AFDN: variants seen among roughly 807,000 people sequenced by gnomAD.
AFDN encodes the protein afadin.
In AFDN, 68 loss-of-function variants were observed where a neutral mutation model predicts 216.6. That is an observed-to-expected ratio of 0.31 (90% CI 0.26 to 0.38). AFDN has a LOEUF of 0.38. Ranked by LOEUF, AFDN falls within the 10% of genes least tolerant of loss-of-function variation. The pLI is 1.00. For synonymous variants in AFDN, 868 were observed against 853.7 expected (o/e 1.02, Z -0.29); for missense variants, 2,136 against 2,342.0 (o/e 0.91, Z 1.82).
chr6:167,951,241 G>T lies in AFDN; in HGVS notation c.3887G>T (p.Arg1296Leu). Reference sequence around the variant, plus strand: ...GAAGATAAAGCTTACCAACTTGAGCGGCATCGAATAGAGGCAGCTATGGAC... The same window carrying T: ...GAAGATAAAGCTTACCAACTTGAGCTGCATCGAATAGAGGCAGCTATGGAC... ...LREDKAYQLE[R>L]HRIEAAMDRK... is the part of the protein sequence containing the mutation. The change falls in exon 30 of 34, where the codon CGG becomes CTG. Residue 1296 changes from arginine to leucine, a missense_variant. Arg to Leu is a moderately radical substitution (Grantham distance 102). Transcript: ENST00000683244. This position sits in a 1 kb window ranked among gnomAD's most constrained non-coding sequence, Gnocchi z 7.1. 2 of 1,605,416 alleles carry T rather than the reference G, an allele frequency of 1.2e-6. No homozygotes were observed. Among genetic ancestry groups the T allele is most frequent in the South Asian group, 2.2e-5 (2 of 89,088 alleles).
chr6:167,864,443 T>A, intron 1 of AFDN, 108 bp from the exon 2 acceptor site: 5 of 1,043,568 alleles, frequency 4.8e-6, no homozygotes, highest in Non-Finnish European at 7.5e-6. Flanking sequence ...ATGTTTATGA[T>A]GAAGCATTTT....
chr6:167,872,153 G>A (rs143962797), intron 3 of AFDN, 61 bp from the exon 4 acceptor site: 18 of 1,516,434 alleles, frequency 1.2e-5, no homozygotes, highest in South Asian at 2.6e-5. Flanking sequence ...TACCTAAGCC[G>A]TAGGCAATTT....
At chr6:167,954,504 G>A in intron 30 of AFDN, 1 of 1,599,146 alleles carries the variant, frequency 6.3e-7, no homozygotes, top group Non-Finnish European at 8.5e-7. Flanking sequence ...GTATGTTCTT[G>A]TTTCTTTCCC....
chr6:167,930,568 G>A (rs985563406), intron 23 of AFDN, among the ~76,000 whole-genome samples: 1 of 152,170 alleles, frequency 6.6e-6, no homozygotes, highest in Non-Finnish European at 1.5e-5. Context: ...GGGCTGTCAG[G>A]GGAAGCCATG....
chr6:167,861,763 A>G (rs779737547), intron 1 of AFDN, among the ~76,000 whole-genome samples: 41 of 152,176 alleles, frequency 2.7e-4, no homozygotes, highest in Non-Finnish European at 4.6e-4. Context: ...TGGTTCTTTA[A>G]TATCTGGTAA....
intron 8 of AFDN, among the ~76,000 whole-genome samples, chr6:167,891,428 T>C (rs2128342153): frequency 6.6e-6 from 1 of 151,738 alleles, no homozygotes; most frequent in Admixed American, 6.6e-5. Context: ...TGTGTGTGTG[T>C]GTGTGTGTGT....
intron 3 of AFDN, among the ~76,000 whole-genome samples, chr6:167,871,499 T>C (rs1784794844): frequency 6.6e-6 from 1 of 152,218 alleles, no homozygotes; most frequent in Non-Finnish European, 1.5e-5. Flanking sequence ...CCATAACTTA[T>C]AAAGCAGAAG....
At chr6:167,875,574 C>G in intron 5 of AFDN, 79 bp downstream of exon 5, 1 of 1,453,304 alleles carries the variant, frequency 6.9e-7, no homozygotes, top group Non-Finnish European at 9.4e-7. Flanking sequence ...GTGAGACTTG[C>G]TTTAACTAAA....
In AFDN at chr6:167,965,891, C is replaced by T; in HGVS notation, c.5103C>T (p.Pro1701=). 5 of 1,548,942 alleles carry T rather than the reference C, an allele frequency of 3.2e-6. No homozygotes were observed. The highest frequency in any genetic ancestry group is 4.4e-6 in the Non-Finnish European group (5 of 1,146,492). ...CRPPLPRDYE[P]PSPSPAPGAP... The stretch of plus-strand genomic sequence containing the variant: ...CTCCGCTTCCCCGGGACTACGAGCC[C>T]CCGTCCCCGTCCCCCGCGCCCGGCG... The change falls in exon 32 of 34, where the codon CCC becomes CCT. Residue 1701 remains proline (P), a synonymous_variant. Transcript: ENST00000683244.
chr6:167,919,205 A>T (rs116673045), intron 21 of AFDN, among the ~76,000 whole-genome samples: 4,475 of 152,350 alleles, frequency 0.029, 93 homozygotes, highest in African/African-American at 0.038. Context: ...GCCTGGGCTG[A>T]TAACAAGGAA....
At chr6:167,896,830 G>A in intron 9 of AFDN, 48 bp from the exon 10 acceptor site, 1 of 1,102,958 alleles carries the variant, frequency 9.1e-7, no homozygotes, top group Non-Finnish European at 1.4e-6. Context: ...TAACATGACA[G>A]TAATATTAGA....
chr6:167,873,372 T>G (rs1784992720), intron 4 of AFDN, among the ~76,000 whole-genome samples: 1 of 152,264 alleles, frequency 6.6e-6, no homozygotes, highest in African/African-American at 2.4e-5. Context: ...GATGTTTATA[T>G]TTCACAAAAA....
intron 1 of AFDN, among the ~76,000 whole-genome samples, chr6:167,831,362 T>G (rs962378024): frequency 6.6e-6 from 1 of 152,232 alleles, no homozygotes; most frequent in Non-Finnish European, 1.5e-5. Flanking sequence ...ATTTTTTATT[T>G]TTGATAAGTT....
At chr6:167,895,506 A>G (rs966661486) in intron 9 of AFDN, among the ~76,000 whole-genome samples, 1 of 152,144 alleles carries the variant, frequency 6.6e-6, no homozygotes, top group African/African-American at 2.4e-5. Context: ...GTTAGGCATT[A>G]GTGTCTCTCA....
intron 1 of AFDN, 168 bp from the exon 2 acceptor site, chr6:167,864,383 C>T (rs1040770368): frequency 2.5e-6 from 2 of 785,924 alleles, no homozygotes; most frequent in Non-Finnish European, 4.6e-6. Context: ...TGTTCAAAGT[C>T]AGAAATGAAA....
chr6:167,868,300 A>G (rs1784415445), intron 2 of AFDN, among the ~76,000 whole-genome samples: 2 of 152,166 alleles, frequency 1.3e-5, no homozygotes, highest in South Asian at 2.1e-4. Flanking sequence ...AGTCACAGCT[A>G]CTCAAGAGGC....
At chr6:167,968,104 G>A (rs983646404) in intron 32 of AFDN, among the ~76,000 whole-genome samples, 32 of 152,286 alleles carry the variant, frequency 2.1e-4, no homozygotes, top group Admixed American at 9.8e-4. Context: ...TTTACCAGTG[G>A]AAGAAGCCAG....
intron 1 of AFDN, among the ~76,000 whole-genome samples, chr6:167,857,540 G>T (rs1430894352): frequency 6.6e-6 from 1 of 151,802 alleles, no homozygotes; most frequent in African/African-American, 2.4e-5. Flanking sequence ...TTTTTTCAGG[G>T]GGTTCTTAAG....
At chr6:167,915,594 C>A (rs1454415889) in intron 19 of AFDN, among the ~76,000 whole-genome samples, 161 bp downstream of exon 19, 2 of 152,156 alleles carry the variant, frequency 1.3e-5, no homozygotes, top group African/African-American at 2.4e-5. Context: ...ACTTGGGCTG[C>A]GGTTACAAAG....
Sources: gnomAD v4.1 joint callset for allele counts (sites outside exome capture counted in the v4.1 genomes callset) on GRCh38, gnomAD v4.1.1 for gene constraint, Gnocchi (gnomAD v3.1) non-coding constraint, MANE v1.5 for transcripts, NCBI Gene and HGNC (gene_info 2026-07-23, HGNC 2026-07-21) for gene names.